The following TENM2 variants were observed in gnomAD, a reference collection of about 807,000 sequenced individuals.
The protein encoded by TENM2 is teneurin transmembrane protein 2.
In TENM2, 52 loss-of-function variants were observed where a neutral mutation model predicts 245.2. That is an observed-to-expected ratio of 0.21 (90% CI 0.17 to 0.27). The LOEUF (loss-of-function observed/expected upper bound fraction) is 0.27, where lower values mean the gene tolerates loss of function less well. Ranked by LOEUF, TENM2 falls within the 10% of genes least tolerant of loss-of-function variation. TENM2 has a pLI of 1.00. For missense variants in TENM2, 3,046 were observed against 3,666.8 expected (o/e 0.83, Z 4.37); for synonymous variants, 1,363 against 1,438.9 (o/e 0.95, Z 1.19).
At chr5:167,115,006 T>A in the TENM2 span, among the ~76,000 whole-genome samples, 1 of 152,296 alleles carries the variant, frequency 6.6e-6, no homozygotes, top group East Asian at 1.9e-4. Flanking sequence ...TAGCATCAGG[T>A]GAGAGTACAG....
At chr5:168,204,320 A>C (rs1762180954) in intron 18 of TENM2, 52 bp from the exon 21 acceptor site, 4 of 1,578,666 alleles carry the variant, frequency 2.5e-6, no homozygotes, top group Non-Finnish European at 3.4e-6. Context: ...GCCAATACAC[A>C]TGTCTTCCCC....
At chr5:167,112,342 A>G in the TENM2 span, among the ~76,000 whole-genome samples, 5 of 152,334 alleles carry the variant, frequency 3.3e-5, no homozygotes, top group South Asian at 2.1e-4. Context: ...AAGATGTGCA[A>G]ATTTTCAGCT....
chr5:167,108,418 G>T, the TENM2 span, among the ~76,000 whole-genome samples: 1 of 152,096 alleles, frequency 6.6e-6, no homozygotes, highest in Non-Finnish European at 1.5e-5. Flanking sequence ...GAGTCACCGC[G>T]CCCGGCCACT....
At chr5:167,716,359 C>T (rs1316472357) in intron 2 of TENM2, among the ~76,000 whole-genome samples, 1 of 152,208 alleles carries the variant, frequency 6.6e-6, no homozygotes, top group Non-Finnish European at 1.5e-5. Flanking sequence ...GCTGTTGCAT[C>T]GTATCTGTGA....
the TENM2 span, among the ~76,000 whole-genome samples, chr5:167,237,023 G>A: frequency 5.3e-5 from 8 of 152,004 alleles, no homozygotes; most frequent in Non-Finnish European, 1.0e-4. Flanking sequence ...GGTGCAGATG[G>A]CATCTTGGCA....
chr5:168,085,958 C>A (rs2152223964), intron 7 of TENM2, among the ~76,000 whole-genome samples: 1 of 152,320 alleles, frequency 6.6e-6, no homozygotes, highest in South Asian at 2.1e-4. Context: ...GGCAGGCTTC[C>A]CCGGGAAATG....
intron 2 of TENM2, among the ~76,000 whole-genome samples, chr5:167,480,348 C>T (rs1767677737): frequency 6.6e-6 from 1 of 152,152 alleles, no homozygotes; most frequent in African/African-American, 2.4e-5. Flanking sequence ...AGACTGTACA[C>T]CTTTTTATCA....
intron 12 of TENM2, among the ~76,000 whole-genome samples, chr5:168,131,951 G>A (rs1426984960): frequency 6.6e-6 from 1 of 152,048 alleles, no homozygotes; most frequent in Non-Finnish European, 1.5e-5. Flanking sequence ...AACCTAAAGC[G>A]ATGGCCTTTT....
intron 6 of TENM2, among the ~76,000 whole-genome samples, chr5:168,060,402 A>T (rs1789937808): frequency 6.6e-6 from 1 of 152,174 alleles, no homozygotes; most frequent in Non-Finnish European, 1.5e-5. Context: ...CAACAGAGTG[A>T]GACCCTGTCT....
chr5:168,111,036 C>A (rs1000339827), intron 9 of TENM2, among the ~76,000 whole-genome samples: 1 of 152,138 alleles, frequency 6.6e-6, no homozygotes, highest in Admixed American at 6.5e-5. Context: ...TTTTAACACA[C>A]CCCAGCATGC....
At chr5:167,179,850 C>T in the TENM2 span, among the ~76,000 whole-genome samples, 1 of 152,054 alleles carries the variant, frequency 6.6e-6, no homozygotes, top group Non-Finnish European at 1.5e-5. Context: ...GCTGGAATGT[C>T]CTGATATTAG....
At chr5:167,149,641 A>T in the TENM2 span, among the ~76,000 whole-genome samples, 1 of 152,180 alleles carries the variant, frequency 6.6e-6, no homozygotes, top group African/African-American at 2.4e-5. Context: ...TTCTCTGGGA[A>T]TAACCTGTGC....
chr5:167,014,140 C>CTTTTTTTTTTTTT, the TENM2 span, among the ~76,000 whole-genome samples: 18 of 128,632 alleles, frequency 1.4e-4, 1 homozygote, highest in African/African-American at 2.0e-4. Context: ...AAAACCAATT[C>CTTTTTTTTTTTTT]TTTTTTTTTT....
chr5:167,555,091 GCA>G lies in TENM2; in HGVS notation c.502+179629_502+179630del, dbSNP rs891580809. Among the ~76,000 whole-genome samples the G allele has an allele frequency of 2.5e-4, 38 of 152,022 alleles. No individual in the cohort carries two copies. In the East Asian group the frequency reaches 7.0e-3, roughly 28 times the overall value. On this transcript the variant is annotated intron_variant, in intron 2 of 28. Transcript: ENST00000518659. ...GCAGCACACAGTCATGCGCGTGCAC[GCA>G]CACACACACATGCATACACACATGC...
chr5:167,023,878 A>G, the TENM2 span, among the ~76,000 whole-genome samples: 6 of 152,156 alleles, frequency 3.9e-5, no homozygotes, highest in Non-Finnish European at 8.8e-5. Context: ...CAGTATCTGC[A>G]CTGATTTGTT....
intron 23 of TENM2, among the ~76,000 whole-genome samples, chr5:168,223,800 T>C (rs911789927): frequency 1.3e-5 from 2 of 151,902 alleles, no homozygotes; most frequent in African/African-American, 4.8e-5. Context: ...TATGGGAAAA[T>C]GCAAAGAAGA....
intron 1 of TENM2, among the ~76,000 whole-genome samples, chr5:167,351,208 A>C (rs1251336260): frequency 1.3e-5 from 2 of 150,862 alleles, no homozygotes; most frequent in Non-Finnish European, 3.0e-5. Context: ...TATATATGGG[A>C]TATATATACA....
exon 21 of TENM2, chr5:168,215,112 C>G: frequency 6.2e-7 from 1 of 1,613,860 alleles, no homozygotes. Context: ...CCGACACCAA[C>G]AGCAGGAGAA....
chr5:167,302,590 A>G (rs986308846), intron 1 of TENM2, among the ~76,000 whole-genome samples: 3 of 151,610 alleles, frequency 2.0e-5, no homozygotes, highest in Non-Finnish European at 4.4e-5. Context: ...GGGCACAGAG[A>G]TAAGAGGTCA....
Sources: allele counts gnomAD v4.1 joint callset (sites outside exome capture counted in the v4.1 genomes callset), GRCh38; gene constraint gnomAD v4.1.1; transcripts MANE v1.5; gene names NCBI Gene and HGNC (gene_info 2026-07-23, HGNC 2026-07-21).